The following CHN2 variants were observed in gnomAD, a reference collection of about 807,000 sequenced individuals.
The protein encoded by CHN2 is chimerin 2.
A neutral mutation model predicts 56.3 loss-of-function variants in CHN2; 35 were observed. The observed-to-expected ratio is 0.62, with a 90% CI of 0.47 to 0.82. The LOEUF is 0.82. Ranked by LOEUF, CHN2 falls within the 40% of genes least tolerant of loss-of-function variation. The pLI is 0.00. For synonymous variants in CHN2, 210 were observed against 212.8 expected, an observed-to-expected ratio of 0.99 and a Z score of 0.12; for missense variants, 491 against 580.5, an observed-to-expected ratio of 0.85 and a Z score of 1.58.
intron 3 of CHN2, among the ~76,000 whole-genome samples, chr7:29,390,136 C>A (rs560422253): frequency 6.6e-6 from 1 of 151,814 alleles, no homozygotes; most frequent in Non-Finnish European, 1.5e-5. Context: ...TGGGAAGGAC[C>A]CATTTCATGT....
chr7:29,372,324 A>G (rs1050592288), intron 3 of CHN2, among the ~76,000 whole-genome samples: 5 of 152,156 alleles, frequency 3.3e-5, no homozygotes, highest in Non-Finnish European at 7.3e-5. Flanking sequence ...TTTCAGGTCA[A>G]ATTTCACGTA....
chr7:29,489,584 A>C (rs926919997), intron 7 of CHN2, among the ~76,000 whole-genome samples: 1 of 152,228 alleles, frequency 6.6e-6, no homozygotes, highest in Non-Finnish European at 1.5e-5. Flanking sequence ...TGAACAATAT[A>C]TCGGTCGTGA....
At chr7:29,381,414 G>A (rs1365775442) in intron 3 of CHN2, among the ~76,000 whole-genome samples, 1 of 152,158 alleles carries the variant, frequency 6.6e-6, no homozygotes, top group Non-Finnish European at 1.5e-5. Context: ...GATTTTGAGA[G>A]CCAACATATG....
At chr7:29,294,684 C>T (rs1406409392) in intron 1 of CHN2, among the ~76,000 whole-genome samples, 1 of 152,174 alleles carries the variant, frequency 6.6e-6, no homozygotes, top group Non-Finnish European at 1.5e-5. Flanking sequence ...TCTTTGAGGC[C>T]TACTGTACAG....
chr7:29,149,366 G>GT (rs1223176312), intron 2 of CHN2, among the ~76,000 whole-genome samples: 1 of 151,674 alleles, frequency 6.6e-6, no homozygotes, highest in Non-Finnish European at 1.5e-5. Flanking sequence ...CTAATTTTTT[G>GT]TATTTGTAGT....
At chr7:29,283,598 CTTTATA>C (rs1170706948) in intron 1 of CHN2, among the ~76,000 whole-genome samples, 4 of 152,004 alleles carry the variant, frequency 2.6e-5, no homozygotes, top group Admixed American at 2.0e-4. Flanking sequence ...TATGCAAGCT[CTTTATA>C]TTTATATTTT....
chr7:29,224,989 G>T (rs1476897109), intron 1 of CHN2, among the ~76,000 whole-genome samples: 1 of 152,104 alleles, frequency 6.6e-6, no homozygotes, highest in Non-Finnish European at 1.5e-5. Flanking sequence ...AATTTATCTG[G>T]GCTTTGGAAG....
intron 1 of CHN2, among the ~76,000 whole-genome samples, chr7:29,272,253 C>T (rs779912190): frequency 1.3e-5 from 2 of 152,164 alleles, no homozygotes; most frequent in Non-Finnish European, 2.9e-5. Flanking sequence ...ACTCACCTCC[C>T]TCCTGCAGTC....
rs5883217 is a variant in CHN2 at position 29,494,950 on chromosome 7, TAAAAAAAAAAAAA to T, written c.655-983_655-971del. On this transcript the variant is annotated intron_variant, in intron 7 of 12. Coordinates refer to ENST00000222792, the MANE Select transcript of CHN2 (RefSeq NM_004067.4). Reference sequence around the variant, plus strand: ...TTTTTTGTTAAATAAAAGCAGTTTGTAAAAAAAAAAAAAAAAAAAAAAAAAAAAAAATTGTCTA... The same window carrying T: ...TTTTTTGTTAAATAAAAGCAGTTTGTAAAAAAAAAAAAAAAAAATTGTCTA... Among the ~76,000 whole-genome samples, 262 of 64,668 alleles carry T rather than the reference TAAAAAAAAAAAAA, an allele frequency of 4.1e-3. 1 individual carries two copies. The highest frequency in any genetic ancestry group is 0.012 in the African/African-American group (213 of 18,320). The allele number at this position is 64,668 out of a possible 152,430, so 42.4% of individuals were successfully genotyped here. A position where few individuals can be genotyped will look rare whatever the true frequency, so the allele number is the denominator to read the frequency against.
chr7:29,244,834 T>G (rs980169644), intron 1 of CHN2, among the ~76,000 whole-genome samples: 5 of 152,204 alleles, frequency 3.3e-5, no homozygotes, highest in African/African-American at 1.2e-4. Flanking sequence ...TCCCTCTATA[T>G]AAACCTTCTA....
intron 6 of CHN2, among the ~76,000 whole-genome samples, chr7:29,431,465 G>A (rs1429826082): frequency 6.6e-6 from 1 of 152,160 alleles, no homozygotes; most frequent in African/African-American, 2.4e-5. Context: ...GGGTAGGGAT[G>A]CAAAGAGTGG....
At chr7:29,284,187 C>T (rs1382615683) in intron 1 of CHN2, among the ~76,000 whole-genome samples, 1 of 152,048 alleles carries the variant, frequency 6.6e-6, no homozygotes, top group Non-Finnish European at 1.5e-5. Flanking sequence ...CCTCCACCTT[C>T]TGGGTTCAAG....
intron 1 of CHN2, among the ~76,000 whole-genome samples, chr7:29,349,281 A>AT (rs1048458850): frequency 9.2e-5 from 14 of 152,080 alleles, no homozygotes; most frequent in African/African-American, 3.4e-4. Context: ...CATATTTGTG[A>AT]TTTTTTGTTT....
At chr7:29,287,237 G>A (rs1157562187) in intron 1 of CHN2, among the ~76,000 whole-genome samples, 1 of 152,124 alleles carries the variant, frequency 6.6e-6, no homozygotes, top group African/African-American at 2.4e-5. Flanking sequence ...AACTTTTCAG[G>A]TTTTGAGGCT....
chr7:29,208,359 G>T (rs991284482), intron 1 of CHN2, among the ~76,000 whole-genome samples: 1 of 152,152 alleles, frequency 6.6e-6, no homozygotes, highest in Admixed American at 6.5e-5. Context: ...TCACGGGAGT[G>T]TGAAGACAAA....
chr7:29,200,354 T>G, intron 1 of CHN2, among the ~76,000 whole-genome samples: 1 of 132,426 alleles, frequency 7.6e-6, no homozygotes, highest in East Asian at 2.6e-4. Flanking sequence ...CCCTCTTTTC[T>G]TCCCTCCCTA....
intron 6 of CHN2, among the ~76,000 whole-genome samples, chr7:29,419,726 A>T (rs923208957): frequency 6.6e-6 from 1 of 152,252 alleles, no homozygotes; most frequent in Non-Finnish European, 1.5e-5. Flanking sequence ...GCCAACAAGC[A>T]TATGAAAAGA....
At chr7:29,330,569 C>T (rs6959954) in intron 1 of CHN2, among the ~76,000 whole-genome samples, 96,441 of 152,038 alleles carry the variant, frequency 0.63, 30,939 homozygotes, top group Non-Finnish European at 0.67. Flanking sequence ...AATTCATGTT[C>T]TTGGATGTTG....
chr7:29,441,239 TG>T (rs1783624274), intron 6 of CHN2, among the ~76,000 whole-genome samples: 1 of 152,222 alleles, frequency 6.6e-6, no homozygotes, highest in South Asian at 2.1e-4. Context: ...TACATAGTGC[TG>T]GGACAACTGG....
Sources: allele counts gnomAD v4.1 joint callset (sites outside exome capture counted in the v4.1 genomes callset), GRCh38; gene constraint gnomAD v4.1.1; transcripts MANE v1.5; gene names NCBI Gene and HGNC (gene_info 2026-07-23, HGNC 2026-07-21).